The following PKIG variants were observed in gnomAD, a reference collection of about 807,000 sequenced individuals.
PKIG encodes protein kinase (cAMP-dependent, catalytic) inhibitor gamma.
Under a neutral mutation model 6.8 loss-of-function variants are expected in PKIG, and 1 was observed. The observed-to-expected ratio is 0.15, with a 90% confidence interval of 0.05 to 0.69. The LOEUF is 0.69. PKIG is among the 30% of genes least tolerant of loss of function. The pLI, the probability that PKIG is intolerant of heterozygous loss-of-function variation, is 0.82. For synonymous variants in PKIG, 39 were observed against 43.0 expected (o/e 0.91, Z 0.36); for missense variants, 77 against 104.0 (o/e 0.74, Z 1.13).
chr20:44,600,918 A>G (rs2065116467), intron 2 of PKIG, among the ~76,000 whole-genome samples: 1 of 151,754 alleles, frequency 6.6e-6, no homozygotes, highest in African/African-American at 2.4e-5. Flanking sequence ...GAAATCTAGA[A>G]CTCTTAAGAG....
At position 44,614,761 on chromosome 20, in the gene PKIG, C is replaced by G. The variant is rs1171690808; in HGVS notation, c.151+54C>G. Reference sequence around the variant, plus strand: ...TGCATGCCAGAGGCCCTCTGCCGGGCCCCGGGCTAGCCTCCAAGTCCTAGA... The same window carrying G: ...TGCATGCCAGAGGCCCTCTGCCGGGGCCCGGGCTAGCCTCCAAGTCCTAGA... On this transcript the variant is annotated intron_variant, in intron 3 of 3. Coordinates refer to ENST00000372886, the MANE Select transcript of PKIG (RefSeq NM_001281445.2). The surrounding 1 kb of genome is among the most constrained non-coding windows in gnomAD (Gnocchi z 4.6). 6.3e-7 allele frequency: 1 copy of G among 1,592,014 alleles called. No homozygotes were observed. The highest frequency in any genetic ancestry group is 8.6e-7 in the Non-Finnish European group (1 of 1,166,436).
intron 1 of PKIG, among the ~76,000 whole-genome samples, chr20:44,559,671 A>G (rs2064749471): frequency 1.3e-5 from 2 of 152,242 alleles, no homozygotes; most frequent in African/African-American, 4.8e-5. Flanking sequence ...TGGATGTTGG[A>G]AAACTTAAAA....
rs1182974839 is a variant in PKIG, at chr20:44,614,926, C to T, written c.151+219C>T. On this transcript the variant is annotated intron_variant, in intron 3 of 3. Coordinates refer to ENST00000372886, the MANE Select transcript of PKIG (RefSeq NM_001281445.2). The surrounding 1 kb of genome is among the most constrained non-coding windows in gnomAD (Gnocchi z 4.6). ...CTCCTCTGGACAGGCATCCGGGACT[C>T]TTCCTGTCCCCCTGCCCCCTAGCCC... Among the ~76,000 whole-genome samples, 1 of 152,172 alleles carries T rather than the reference C, an allele frequency of 6.6e-6. No individual in the cohort carries two copies. Among genetic ancestry groups the T allele is most frequent in the South Asian group, 2.1e-4 (1 of 4,828 alleles).
chr20:44,618,725 C>T lies in PKIG; in HGVS notation c.*361C>T, dbSNP rs2065295008. 4.9e-6 allele frequency: 1 copy of T among 202,816 alleles called. No homozygotes were observed. Among genetic ancestry groups the T allele is most frequent in the Non-Finnish European group, 1.0e-5 (1 of 98,332 alleles). The allele number at this position is 202,816 out of a possible 1,614,324, so 12.6% of individuals were successfully genotyped here. ...GGCCCGGGCAGGGACCCTGTCCCAA[C>T]ACCAACACCTCCTCTCCAGCCCAAT... On this transcript the variant is annotated 3_prime_UTR_variant, in exon 4 of 4. Coordinates refer to ENST00000372886, the MANE Select transcript of PKIG (RefSeq NM_001281445.2).
chr20:44,613,235 G>A (rs1443022879), intron 2 of PKIG, among the ~76,000 whole-genome samples: 2 of 151,968 alleles, frequency 1.3e-5, no homozygotes, highest in African/African-American at 4.8e-5. Flanking sequence ...GCACAATCTC[G>A]GCTCACTGCA....
chr20:44,532,718 A>G (rs2064477797), intron 1 of PKIG, among the ~76,000 whole-genome samples: 1 of 152,208 alleles, frequency 6.6e-6, no homozygotes, highest in Non-Finnish European at 1.5e-5. Flanking sequence ...TCAGGGAGAG[A>G]TGCCAAAAGA....
At chr20:44,554,620 G>T (rs746044123) in intron 1 of PKIG, among the ~76,000 whole-genome samples, 24 of 152,250 alleles carry the variant, frequency 1.6e-4, no homozygotes, top group Non-Finnish European at 3.2e-4. Context: ...GCTGGAATAG[G>T]CAGTAGTTTG....
intron 1 of PKIG, among the ~76,000 whole-genome samples, chr20:44,535,702 T>C (rs547802356): frequency 6.6e-6 from 1 of 152,306 alleles, no homozygotes; most frequent in South Asian, 2.1e-4. Flanking sequence ...ATTATGTGGT[T>C]AGGTGTAAAA....
At chr20:44,606,857 T>C (rs934349770) in intron 2 of PKIG, among the ~76,000 whole-genome samples, 4 of 152,220 alleles carry the variant, frequency 2.6e-5, no homozygotes, top group East Asian at 1.9e-4. Flanking sequence ...CTTTTTGCCT[T>C]TCTGCCATTT....
upstream of PKIG, among the ~76,000 whole-genome samples, chr20:44,580,390 A>G (rs928016295): frequency 6.6e-6 from 1 of 151,696 alleles, no homozygotes; most frequent in Non-Finnish European, 1.5e-5. Context: ...CTGTCGCCCA[A>G]GCTGGAGTGC....
At chr20:44,588,000 G>C (rs907077027) in intron 1 of PKIG, among the ~76,000 whole-genome samples, 1 of 152,134 alleles carries the variant, frequency 6.6e-6, no homozygotes, top group Non-Finnish European at 1.5e-5. Flanking sequence ...AGACTTTGAG[G>C]TTGCTCATGG....
intron 1 of PKIG, among the ~76,000 whole-genome samples, chr20:44,538,327 A>G (rs1281917956): frequency 6.6e-6 from 1 of 152,174 alleles, no homozygotes; most frequent in African/African-American, 2.4e-5. Flanking sequence ...TATCATTCCC[A>G]TTTTCAAATG....
chr20:44,553,255 TA>T (rs2064684597), intron 1 of PKIG, among the ~76,000 whole-genome samples: 1 of 152,212 alleles, frequency 6.6e-6, no homozygotes, highest in Admixed American at 6.5e-5. Context: ...GGCTAAAGTT[TA>T]TGCTGCCTCG....
At chr20:44,572,364 A>G (rs1053078701) in intron 1 of PKIG, among the ~76,000 whole-genome samples, 2 of 152,196 alleles carry the variant, frequency 1.3e-5, no homozygotes, top group African/African-American at 4.8e-5. Context: ...GTATGGGGCA[A>G]ATATATATTT....
chr20:44,549,660 A>G (rs2064649831), intron 1 of PKIG, among the ~76,000 whole-genome samples: 1 of 152,132 alleles, frequency 6.6e-6, no homozygotes. Flanking sequence ...CCCCATCTCT[A>G]CGAAAAATGG....
chr20:44,535,448 C>T (rs1301862968), intron 1 of PKIG, among the ~76,000 whole-genome samples: 2 of 152,202 alleles, frequency 1.3e-5, no homozygotes, highest in Non-Finnish European at 2.9e-5. Flanking sequence ...TGAGACTAGC[C>T]TGGTCAACAT....
intron 3 of PKIG, 33 bp from the exon 4 acceptor site, chr20:44,618,252 T>C (rs2065288229): frequency 7.1e-7 from 1 of 1,405,280 alleles, no homozygotes; most frequent in Non-Finnish European, 1.0e-6. Flanking sequence ...TGTGTATATG[T>C]GCCCAAGAAA....
chr20:44,578,596 C>T (rs539561310), upstream of PKIG, among the ~76,000 whole-genome samples: 9 of 152,212 alleles, frequency 5.9e-5, no homozygotes, highest in African/African-American at 2.2e-4. Context: ...TTCCGGCTCT[C>T]CTTTCCCTCT....
intron 1 of PKIG, among the ~76,000 whole-genome samples, chr20:44,540,534 G>A (rs2064551731): frequency 6.6e-6 from 1 of 151,764 alleles, no homozygotes; most frequent in South Asian, 2.1e-4. Context: ...CCTTCCAGGG[G>A]TTTTCACATG....
Sources: allele counts gnomAD v4.1 joint callset (sites outside exome capture counted in the v4.1 genomes callset), GRCh38; gene constraint gnomAD v4.1.1; non-coding constraint Gnocchi (gnomAD v3.1); transcripts MANE v1.5; gene names NCBI Gene and HGNC (gene_info 2026-07-23, HGNC 2026-07-21).